Variants in GNA11 observed in about 807,000 individuals in gnomAD.
GNA11 encodes G protein subunit alpha 11.
In GNA11, 8 loss-of-function variants were observed where a neutral mutation model predicts 38.2. That is an observed-to-expected ratio of 0.21 (90% CI 0.12 to 0.38). The LOEUF (loss-of-function observed/expected upper bound fraction) is 0.38. GNA11 is among the 10% of genes least tolerant of loss of function. The pLI is 1.00. For synonymous variants in GNA11, 211 were observed against 221.4 expected (o/e 0.95, Z 0.42); for missense variants, 268 against 516.3 (o/e 0.52, Z 4.66).
rs187177737 is a variant in GNA11 at position 3,097,104 on chromosome 19, C to G, written c.136+2317C>G. ...TGCCTGCTTGTGGGAACTCATTCCA[C>G]TCTCCCAGTAGGCCAGCCCCGAGCT... On this transcript the variant is annotated intron_variant, in intron 1 of 6. Transcript: ENST00000078429. Among the ~76,000 whole-genome samples the G allele has an allele frequency of 1.8e-4, 28 of 152,304 alleles. No homozygotes were observed. In the East Asian group the frequency reaches 5.0e-3, roughly 27 times the overall value.
At chr19:3,097,982 C>A (rs911737435) in intron 1 of GNA11, among the ~76,000 whole-genome samples, 4 of 152,198 alleles carry the variant, frequency 2.6e-5, no homozygotes, top group Non-Finnish European at 5.9e-5. Context: ...CATTTGAGAC[C>A]CTTTACTGTG....
intron 4 of GNA11, chr19:3,118,313 C>T (rs79329720): frequency 0.021 from 3,190 of 152,412 alleles, 32 homozygotes; most frequent in Middle Eastern, 0.031. Flanking sequence ...AACGCACGCC[C>T]GCAGACATCG....
Position 3,123,710 on chromosome 19 carries a change from G to A in GNA11, c.*2531G>A, listed in dbSNP as rs551803914. On this transcript the variant is annotated 3_prime_UTR_variant, in exon 7 of 7. Transcript: ENST00000078429. ...CAGCAGATCCTGTGGCCGGCCTGGC[G>A]GACGGGACCCAGTGATACTTGTATA... 49 of 233,000 alleles carry A rather than the reference G, an allele frequency of 2.1e-4. No individual in the cohort carries two copies. Among genetic ancestry groups the A allele is most frequent in the Non-Finnish European group, 3.4e-4 (40 of 117,938 alleles). 14.4% of individuals were successfully genotyped at this position (233,000 alleles called of 1,614,324 possible).
chr19:3,106,498 AGAGGCCCGGGGCCACCT>A (rs1913642561), intron 1 of GNA11, among the ~76,000 whole-genome samples: 2 of 152,254 alleles, frequency 1.3e-5, no homozygotes. Context: ...CAGGGCCACC[AGAGGCCCGGGGCCACCT>A]GGGCCTGGCT....
intron 1 of GNA11, among the ~76,000 whole-genome samples, chr19:3,106,237 G>C (rs956338580): frequency 2.0e-5 from 3 of 152,146 alleles, no homozygotes; most frequent in South Asian, 4.1e-4. Context: ...CGGGGTGTGA[G>C]GTCTCAGGCA....
intron 3 of GNA11, 69 bp from the exon 4 acceptor site, chr19:3,114,875 G>A (rs1229559015): frequency 1.6e-5 from 23 of 1,480,398 alleles, no homozygotes; most frequent in Non-Finnish European, 2.1e-5. Flanking sequence ...CCGCTGGTTT[G>A]GGTGCTGTGT....
At chr19:3,097,772 C>T (rs139094145) in intron 1 of GNA11, among the ~76,000 whole-genome samples, 43 of 152,314 alleles carry the variant, frequency 2.8e-4, no homozygotes, top group African/African-American at 9.1e-4. Flanking sequence ...TGGGCCTCTC[C>T]GTTACGTACA....
At position 3,122,236 on chromosome 19, in the gene GNA11, G is replaced by A. The variant is rs1253407446; in HGVS notation, c.*1057G>A. On this transcript the variant is annotated 3_prime_UTR_variant, in exon 7 of 7. Coordinates refer to ENST00000078429, the MANE Select transcript of GNA11 (RefSeq NM_002067.5). This position sits in a 1 kb window ranked among gnomAD's most constrained non-coding sequence, Gnocchi z 7.7. ...GGGGACTTTTACAGAATATTCTCAG[G>A]TGTGTACCCGAGAGGCAGAGAGAGG... The A allele has an allele frequency of 4.3e-6, 1 of 233,054 alleles. No homozygotes were observed. The highest frequency in any genetic ancestry group is 8.5e-6 in the Non-Finnish European group (1 of 117,692). 14.4% of individuals were successfully genotyped at this position (233,054 alleles called of 1,614,324 possible).
rs1451922944 is a variant in GNA11, at chr19:3,123,699, G to A, written c.*2520G>A. On this transcript the variant is annotated 3_prime_UTR_variant, in exon 7 of 7. Coordinates refer to ENST00000078429, the MANE Select transcript of GNA11 (RefSeq NM_002067.5). ...CCCAGTGGTGGCAGCAGATCCTGTGGCCGGCCTGGCGGACGGGACCCAGTG... is the reference window on the plus strand; with the variant it reads ...CCCAGTGGTGGCAGCAGATCCTGTGACCGGCCTGGCGGACGGGACCCAGTG... 7.7e-5 allele frequency: 18 copies of A among 233,090 alleles called. No homozygotes were observed. Among genetic ancestry groups the A allele is most frequent in the Admixed American group, 1.7e-4 (3 of 17,778 alleles). 14.4% of individuals were successfully genotyped at this position (233,090 alleles called of 1,614,324 possible). A position where few individuals can be genotyped will look rare whatever the true frequency, so the allele number is the denominator to read the frequency against.
At chr19:3,104,221 G>T (rs1913580960) in intron 1 of GNA11, among the ~76,000 whole-genome samples, 1 of 152,256 alleles carries the variant, frequency 6.6e-6, no homozygotes, top group Non-Finnish European at 1.5e-5. Flanking sequence ...TTTCCCACCG[G>T]GGAAAAGGAA....
Position 3,094,828 on chromosome 19 carries a change from C to CTGCCT in GNA11, c.136+42_136+46dup. On this transcript the variant is annotated intron_variant, in intron 1 of 6. Transcript: ENST00000078429. The surrounding 1 kb of genome is among the most constrained non-coding windows in gnomAD (Gnocchi z 6.0). ...GGGCCTGCCGGCTGCGGGCCCTGCC[C>CTGCCT]TGCCTGTGCCTGCCCTGCCTGTCCG... The CTGCCT allele has an allele frequency of 7.0e-7, 1 of 1,422,842 alleles. No individual in the cohort carries two copies. Among genetic ancestry groups the CTGCCT allele is most frequent in the Non-Finnish European group, 9.4e-7 (1 of 1,067,860 alleles). The allele number at this position is 1,422,842 out of a possible 1,614,324, so 88.1% of individuals were successfully genotyped here. A position where few individuals can be genotyped will look rare whatever the true frequency, so the allele number is the denominator to read the frequency against.
At position 3,119,557 on chromosome 19, in the gene GNA11, C is replaced by G. The variant is rs1470438342; in HGVS notation, c.889+198C>G. On this transcript the variant is annotated intron_variant, in intron 6 of 6. Coordinates refer to ENST00000078429, the MANE Select transcript of GNA11 (RefSeq NM_002067.5). This position sits in a 1 kb window ranked among gnomAD's most constrained non-coding sequence, Gnocchi z 4.6. Reference sequence around the variant, plus strand: ...GCCTGTACGGGAATGAGTTCTCCGACGCGGGTGTCTCATACCCGTGGGAGA... The same window carrying G: ...GCCTGTACGGGAATGAGTTCTCCGAGGCGGGTGTCTCATACCCGTGGGAGA... 7.1e-6 allele frequency among the ~76,000 whole-genome samples: 1 copy of G among 141,320 alleles called. No homozygotes were observed. The highest frequency in any genetic ancestry group is 1.5e-5 in the Non-Finnish European group (1 of 65,882). 92.7% of individuals were successfully genotyped at this position (141,320 alleles called of 152,430 possible). A position where few individuals can be genotyped will look rare whatever the true frequency, so the allele number is the denominator to read the frequency against.
chr19:3,113,200 T>TA, intron 2 of GNA11, 130 bp from the exon 3 acceptor site: 2 of 790,686 alleles, frequency 2.5e-6, no homozygotes, highest in South Asian at 3.1e-5. Flanking sequence ...GAACTGTCAG[T>TA]GGTCCTGACT....
intron 3 of GNA11, among the ~76,000 whole-genome samples, 176 bp from the exon 4 acceptor site, chr19:3,114,768 C>T (rs749584479): frequency 1.8e-4 from 28 of 152,334 alleles, no homozygotes; most frequent in Middle Eastern, 3.4e-3. Flanking sequence ...ATCCCGACCC[C>T]AGGGTCTCCA....
chr19:3,106,310 G>A (rs1365672802), intron 1 of GNA11, among the ~76,000 whole-genome samples: 2 of 152,230 alleles, frequency 1.3e-5, no homozygotes, highest in Non-Finnish European at 2.9e-5. Flanking sequence ...GCTCCAAGAC[G>A]CTGTGTGACG....
intron 3 of GNA11, among the ~76,000 whole-genome samples, chr19:3,114,230 C>T (rs775565336): frequency 3.9e-5 from 6 of 152,152 alleles, no homozygotes; most frequent in East Asian, 1.9e-4. Flanking sequence ...CTCGCGGTGC[C>T]GGAAAGGTCT....
At position 3,121,176 on chromosome 19, in the gene GNA11, C is replaced by T. The variant is rs2145329424; in HGVS notation, c.1077C>T (p.Val359=). 2 of 1,611,634 alleles carry T rather than the reference C, an allele frequency of 1.2e-6. No individual in the cohort carries two copies. Among genetic ancestry groups the T allele is most frequent in the East Asian group, 2.2e-5 (1 of 44,812 alleles). The change falls in exon 7 of 7, where the codon GTC becomes GTT. Residue 359 remains valine, a synonymous_variant. Transcript: ENST00000078429. The part of the protein sequence containing the change: ...LQLNLKEYNL[V] ...TCAACCTCAAGGAGTACAACCTGGT[C>T]TGAGCGCCCAGGCCCAGGGAGACGG...
At chr19:3,113,591 G>A (rs1424466331) in intron 3 of GNA11, 107 bp downstream of exon 3, 6 of 843,308 alleles carry the variant, frequency 7.1e-6, no homozygotes, top group South Asian at 1.8e-5. Context: ...CTGCCTGCTC[G>A]CCGGGGGCAG....
intron 1 of GNA11, among the ~76,000 whole-genome samples, chr19:3,101,979 C>T (rs557744801): frequency 1.3e-5 from 2 of 152,204 alleles, no homozygotes; most frequent in South Asian, 4.1e-4. Context: ...ACCTGTAGTC[C>T]CAGCTACCTG....
Sources: gnomAD v4.1 joint callset for allele counts (sites outside exome capture counted in the v4.1 genomes callset) on GRCh38, gnomAD v4.1.1 for gene constraint, Gnocchi (gnomAD v3.1) non-coding constraint, MANE v1.5 for transcripts, NCBI Gene and HGNC (gene_info 2026-07-23, HGNC 2026-07-21) for gene names.